The following GCH1 variants were observed in gnomAD, a reference collection of about 807,000 sequenced individuals.
GCH1 encodes the protein GTP cyclohydrolase I.
A neutral mutation model predicts 25.9 loss-of-function variants in GCH1; 5 were observed. That is an observed-to-expected ratio of 0.19 (90% CI 0.10 to 0.41). The LOEUF (loss-of-function observed/expected upper bound fraction) is 0.41. Among genes scored for constraint, GCH1 ranks in the 10% least tolerant of loss-of-function variants. The pLI, the probability that GCH1 is intolerant of heterozygous loss-of-function variation, is 1.00. For missense variants in GCH1, 261 were observed against 336.5 expected, an observed-to-expected ratio of 0.78 and a Z score of 1.75; for synonymous variants, 159 against 129.6, an observed-to-expected ratio of 1.23 and a Z score of -1.54.
intron 1 of GCH1, among the ~76,000 whole-genome samples, chr14:54,898,607 AATTTTT>A (rs1261107501): frequency 9.9e-5 from 15 of 152,010 alleles, no homozygotes; most frequent in South Asian, 2.1e-4. Context: ...TTTTAATTTT[AATTTTT>A]ATTTTTATTT....
chr14:54,857,553 T>C (rs1420781722), intron 3 of GCH1, among the ~76,000 whole-genome samples: 2 of 152,028 alleles, frequency 1.3e-5, no homozygotes, highest in Admixed American at 1.3e-4. Context: ...AATTTCTATA[T>C]GGGCAAGGTA....
intron 3 of GCH1, among the ~76,000 whole-genome samples, chr14:54,858,766 A>G (rs1270346466): frequency 6.6e-6 from 1 of 152,152 alleles, no homozygotes; most frequent in East Asian, 1.9e-4. Context: ...CCATCACTCA[A>G]AATTCACTAA....
chr14:54,879,254 C>A (rs71412657), intron 1 of GCH1, among the ~76,000 whole-genome samples: 1 of 151,862 alleles, frequency 6.6e-6, no homozygotes, highest in Non-Finnish European at 1.5e-5. Flanking sequence ...AAACCCATCT[C>A]TTCTAAAAAT....
At chr14:54,851,003 CCA>C (rs1396341038) in intron 3 of GCH1, among the ~76,000 whole-genome samples, 3 of 152,158 alleles carry the variant, frequency 2.0e-5, no homozygotes, top group Admixed American at 2.0e-4. Flanking sequence ...GCTACAGTAA[CCA>C]AAACAGCATG....
At chr14:54,871,274 G>T (rs895118953) in intron 1 of GCH1, among the ~76,000 whole-genome samples, 3 of 152,174 alleles carry the variant, frequency 2.0e-5, no homozygotes, top group Non-Finnish European at 4.4e-5. Context: ...CCAACAGACC[G>T]GCAGCTGAGG....
At chr14:54,859,852 G>A in intron 2 of GCH1, 116 bp from the exon 3 acceptor site, 1 of 706,152 alleles carries the variant, frequency 1.4e-6, no homozygotes, top group Non-Finnish European at 2.6e-6. Context: ...TCACGACAAT[G>A]TATTACCTTG....
At chr14:54,855,138 T>C (rs1410217987) in intron 3 of GCH1, among the ~76,000 whole-genome samples, 1 of 152,170 alleles carries the variant, frequency 6.6e-6, no homozygotes, top group Non-Finnish European at 1.5e-5. Flanking sequence ...AAATATTAGG[T>C]AGCTATGAAA....
intron 3 of GCH1, among the ~76,000 whole-genome samples, chr14:54,847,958 C>T (rs183705478): frequency 3.9e-5 from 6 of 152,230 alleles, no homozygotes; most frequent in Admixed American, 2.0e-4. Context: ...TAGCACACCA[C>T]GGTCAACTAC....
intron 2 of GCH1, among the ~76,000 whole-genome samples, chr14:54,863,595 T>C (rs1400281319): frequency 7.2e-6 from 1 of 138,352 alleles, no homozygotes; most frequent in African/African-American, 2.8e-5. Context: ...GAATAAGATA[T>C]AACAATGAAA....
Position 54,901,307 on chromosome 14 carries a change from C to A in GCH1, c.343+1014G>T, listed in dbSNP as rs541799034. On this transcript the variant is annotated intron_variant, in intron 1 of 5. Transcript: ENST00000491895. ...AATAAATAAATGTCACCAAGACACA[C>A]GGAAGGTGTAGACTGGAAAATAATG... Among the ~76,000 whole-genome samples, 6 of 152,296 alleles carry A rather than the reference C, an allele frequency of 3.9e-5. No individual in the cohort carries two copies. The South Asian group carries it at 1.2e-3, about 32-fold the overall frequency.
chr14:54,843,102 ATATCT>A lies in GCH1; in HGVS notation c.*910_*914del, dbSNP rs1566658139. ...AATGTTTCTGGAAATACTTAGAAAAATATCTTATAAGATTAAAAAAAAGAAGAAGA... is the reference window on the plus strand; with the variant it reads ...AATGTTTCTGGAAATACTTAGAAAAATATAAGATTAAAAAAAAGAAGAAGA... On this transcript the variant is annotated 3_prime_UTR_variant, in exon 6 of 6. Coordinates refer to ENST00000491895, the MANE Select transcript of GCH1 (RefSeq NM_000161.3). 6 of 1,473,004 alleles carry A rather than the reference ATATCT, an allele frequency of 4.1e-6. No homozygotes were observed. Among genetic ancestry groups the A allele is most frequent in the Admixed American group, 1.8e-5 (1 of 56,716 alleles). 91.2% of individuals were successfully genotyped at this position (1,473,004 alleles called of 1,614,324 possible). A position where few individuals can be genotyped will look rare whatever the true frequency, so the allele number is the denominator to read the frequency against.
chr14:54,887,290 T>C (rs573783783), intron 1 of GCH1, among the ~76,000 whole-genome samples: 1 of 152,366 alleles, frequency 6.6e-6, no homozygotes, highest in South Asian at 2.1e-4. Context: ...AAATACTTAG[T>C]GTCTCCCAGT....
intron 1 of GCH1, among the ~76,000 whole-genome samples, chr14:54,899,731 T>C (rs1162843616): frequency 3.9e-5 from 6 of 152,160 alleles, no homozygotes; most frequent in Non-Finnish European, 8.8e-5. Flanking sequence ...CACCACTCTC[T>C]AGTTCCAGAA....
In GCH1 at chr14:54,861,955, C is replaced by T. The variant is rs183475276; in HGVS notation, c.454-2219G>A. ...CCAATAGATTCCCTTTCAAAGATTC[C>T]TTCATTATCAATTGCAGGATTTCCA... On this transcript the variant is annotated intron_variant, in intron 2 of 5. Transcript: ENST00000491895. 3.1e-3 allele frequency among the ~76,000 whole-genome samples: 472 copies of T among 152,176 alleles called. 3 individuals carry two copies. The highest frequency in any genetic ancestry group is 0.011 in the African/African-American group (454 of 41,514).
At chr14:54,875,125 A>G (rs999517744) in intron 1 of GCH1, among the ~76,000 whole-genome samples, 1 of 152,194 alleles carries the variant, frequency 6.6e-6, no homozygotes, top group Non-Finnish European at 1.5e-5. Context: ...CAAAACAGAG[A>G]TATAGACCAA....
chr14:54,859,710 C>A lies in GCH1; in HGVS notation c.480G>T (p.Lys160Asn). The change falls in exon 3 of 6, where the codon AAG (lysine) becomes AAT (asparagine). Residue 160 changes from lysine (K) to asparagine (N), a missense_variant. Around this residue, in one of 3 missense-constraint regions of GCH1, gnomAD observed 130 missense variants for 184.1 expected, o/e 0.71. Coordinates refer to ENST00000491895, the MANE Select transcript of GCH1 (RefSeq NM_000161.3). ...CAAGTTTGCTGAGGCCAAGGACTTG[C>A]TTGTTAGGAAGATAACCAATATGGA... ...GKVHIGYLPN[K>N]QVLGLSKLAR... 3.1e-6 allele frequency: 5 copies of A among 1,601,916 alleles called. No individual in the cohort carries two copies. Among genetic ancestry groups the A allele is most frequent in the Non-Finnish European group, 4.3e-6 (5 of 1,168,916 alleles).
chr14:54,849,239 T>G (rs2039689491), intron 3 of GCH1, among the ~76,000 whole-genome samples: 1 of 152,232 alleles, frequency 6.6e-6, no homozygotes, highest in Non-Finnish European at 1.5e-5. Context: ...TCTGAGAGCT[T>G]ATTATTTCTA....
chr14:54,880,820 TATATATACTCC>T (rs1182730019), intron 1 of GCH1, among the ~76,000 whole-genome samples: 5 of 78,456 alleles, frequency 6.4e-5, no homozygotes, highest in South Asian at 4.1e-4. Context: ...CATATATATA[TATATATACTCC>T]ATATATATAT....
In GCH1 at chr14:54,859,858, C is replaced by T. The variant is rs186450297; in HGVS notation, c.454-122G>A. On this transcript the variant is annotated intron_variant, in intron 2 of 5. Coordinates refer to ENST00000491895, the MANE Select transcript of GCH1 (RefSeq NM_000161.3). ...TGTAATTTATCACGACAATGTATTA[C>T]CTTGAAAACATCTGGAACTGTTAAG... The T allele has an allele frequency of 5.6e-5, 39 of 700,496 alleles. No homozygotes were observed. In the African/African-American group the frequency reaches 6.1e-4, roughly 11 times the overall value. The allele number at this position is 700,496 out of a possible 1,614,324, so 43.4% of individuals were successfully genotyped here.
Sources: gnomAD v4.1 joint callset for allele counts (sites outside exome capture counted in the v4.1 genomes callset) on GRCh38, gnomAD v4.1.1 for gene constraint, gnomAD v4.1.1 regional missense constraint, MANE v1.5 for transcripts, NCBI Gene and HGNC (gene_info 2026-07-23, HGNC 2026-07-21) for gene names.